GPR158: variants seen among roughly 807,000 people sequenced by gnomAD.
The protein encoded by GPR158 is G protein-coupled receptor 158.
Under a neutral mutation model 78.2 loss-of-function variants are expected in GPR158, and 30 were observed. The ratio of observed to expected loss-of-function variants is 0.38; its 90% CI spans 0.29 to 0.52. The LOEUF is 0.52. Among genes scored for constraint, GPR158 ranks in the 20% least tolerant of loss-of-function variants. GPR158 has a pLI of 0.83. For synonymous variants in GPR158, 581 were observed against 591.1 expected, an observed-to-expected ratio of 0.98 and a Z score of 0.25; for missense variants, 1,463 against 1,523.5, an observed-to-expected ratio of 0.96 and a Z score of 0.66.
intron 1 of GPR158, among the ~76,000 whole-genome samples, chr10:25,211,150 A>C (rs1470782577): frequency 6.6e-6 from 1 of 152,044 alleles, no homozygotes; most frequent in Non-Finnish European, 1.5e-5. Flanking sequence ...GAAAAAAAAA[A>C]AAACAGAATT....
At chr10:25,342,395 C>A (rs560643633) in intron 2 of GPR158, among the ~76,000 whole-genome samples, 1 of 151,992 alleles carries the variant, frequency 6.6e-6, no homozygotes, top group African/African-American at 2.4e-5. Context: ...ATCCTAATAC[C>A]TGTTTTTCTT....
chr10:25,367,789 T>C (rs1486921986), intron 2 of GPR158, among the ~76,000 whole-genome samples: 1 of 151,824 alleles, frequency 6.6e-6, no homozygotes, highest in Admixed American at 6.6e-5. Context: ...CCTTTTAAAC[T>C]CTGGTAATGG....
At position 25,572,724 on chromosome 10, in the gene GPR158, G is replaced by T; in HGVS notation, c.1590G>T (p.Leu530=). 6.2e-7 allele frequency: 1 copy of T among 1,613,978 alleles called. No individual in the cohort carries two copies. Among genetic ancestry groups the T allele is most frequent in the Non-Finnish European group, 8.5e-7 (1 of 1,179,848 alleles). ...YMTGGRVMRM[L]AVILLVVFWF... ...CTGGCGGACGGGTCATGAGGATGCTGGCAGTAATACTCTTGGTAGTGTTTT... is the reference window on the plus strand; with the variant it reads ...CTGGCGGACGGGTCATGAGGATGCTTGCAGTAATACTCTTGGTAGTGTTTT... The change falls in exon 7 of 11, where the codon CTG becomes CTT. Residue 530 remains leucine, a synonymous_variant. Transcript: ENST00000376351.
intron 4 of GPR158, among the ~76,000 whole-genome samples, chr10:25,418,528 C>T (rs1254495275): frequency 6.6e-6 from 1 of 151,952 alleles, no homozygotes. Flanking sequence ...TCTAAAACAA[C>T]AAGAATTTTA....
At chr10:25,379,273 G>A (rs1290801213) in intron 2 of GPR158, among the ~76,000 whole-genome samples, 1 of 148,844 alleles carries the variant, frequency 6.7e-6, no homozygotes, top group Non-Finnish European at 1.5e-5. Context: ...GAGATTGAAT[G>A]TCAGGCATCG....
At chr10:25,278,509 A>C (rs2130750596) in intron 2 of GPR158, among the ~76,000 whole-genome samples, 1 of 152,240 alleles carries the variant, frequency 6.6e-6, no homozygotes, top group South Asian at 2.1e-4. Context: ...TATTTGAAGA[A>C]GTAATGCCTT....
chr10:25,540,751 T>A (rs1208715595), intron 5 of GPR158, among the ~76,000 whole-genome samples: 8 of 150,858 alleles, frequency 5.3e-5, no homozygotes, highest in Admixed American at 1.3e-4. Context: ...ATGAGAACAC[T>A]TGGACACAGG....
intron 3 of GPR158, among the ~76,000 whole-genome samples, chr10:25,397,463 T>G (rs1485378278): frequency 2.6e-5 from 4 of 152,184 alleles, no homozygotes; most frequent in Admixed American, 2.6e-4. Flanking sequence ...CCAGCCCTAT[T>G]ATCTGTGTAG....
At chr10:25,384,869 ACAT>A in intron 2 of GPR158, among the ~76,000 whole-genome samples, 1 of 152,314 alleles carries the variant, frequency 6.6e-6, no homozygotes, top group Admixed American at 6.5e-5. Context: ...GATGAGATAT[ACAT>A]CATGCCGATT....
At chr10:25,587,416 G>A (rs187619828) in intron 7 of GPR158, among the ~76,000 whole-genome samples, 14 of 152,280 alleles carry the variant, frequency 9.2e-5, no homozygotes, top group Non-Finnish European at 1.5e-4. Flanking sequence ...AACTGATAGC[G>A]GCTTAGGCAA....
chr10:25,365,065 A>AT (rs750215664), intron 2 of GPR158, among the ~76,000 whole-genome samples: 1 of 147,354 alleles, frequency 6.8e-6, no homozygotes, highest in Non-Finnish European at 1.5e-5. Context: ...TTAAATATTT[A>AT]TTTAAAATTT....
intron 4 of GPR158, among the ~76,000 whole-genome samples, chr10:25,415,629 A>G (rs908062047): frequency 1.3e-5 from 2 of 152,108 alleles, no homozygotes; most frequent in Non-Finnish European, 2.9e-5. Context: ...GATATGATCC[A>G]GCAATTCCAC....
At chr10:25,595,127 T>A (rs1837383967) in intron 9 of GPR158, among the ~76,000 whole-genome samples, 1 of 152,196 alleles carries the variant, frequency 6.6e-6, no homozygotes, top group Non-Finnish European at 1.5e-5. Flanking sequence ...ATCTTTTCAG[T>A]GCCACAAAAT....
intron 5 of GPR158, among the ~76,000 whole-genome samples, chr10:25,478,493 CGTGTGT>C (rs71399974): frequency 0.022 from 3,154 of 145,162 alleles, 46 homozygotes; most frequent in South Asian, 0.036. Flanking sequence ...ATATATAATG[CGTGTGT>C]GTGTGTGTGT....
chr10:25,558,547 C>T (rs142369552), intron 6 of GPR158, among the ~76,000 whole-genome samples: 1 of 152,258 alleles, frequency 6.6e-6, no homozygotes, highest in East Asian at 1.9e-4. Flanking sequence ...TCCCTGCTGT[C>T]GCCTGGGCCC....
chr10:25,261,946 TG>T (rs1295838244), intron 2 of GPR158, among the ~76,000 whole-genome samples: 1 of 152,244 alleles, frequency 6.6e-6, no homozygotes, highest in East Asian at 1.9e-4. Flanking sequence ...TTTAATGTAG[TG>T]TTCAGAGCAT....
At position 25,599,024 on chromosome 10, in the gene GPR158, A is replaced by G. The variant is rs759626272; in HGVS notation, c.3398A>G (p.Asn1133Ser). 8 of 1,613,990 alleles carry G rather than the reference A, an allele frequency of 5.0e-6. No individual in the cohort carries two copies. The Admixed American group carries it at 1.2e-4, about 24-fold the overall frequency. The change falls in exon 11 of 11, where the codon AAT (asparagine) becomes AGT (serine). Residue 1133 changes from asparagine to serine, a missense_variant. Coordinates refer to ENST00000376351, the MANE Select transcript of GPR158 (RefSeq NM_020752.3). The stretch of plus-strand genomic sequence containing the variant: ...GTAGCATCAAAAACAGAGAATGAAA[A>G]TCTCAACCAAATAGGACACCAGGAA... ...KAVASKTENE[N>S]LNQIGHQEKK...
At chr10:25,441,232 A>G (rs547169061) in intron 4 of GPR158, among the ~76,000 whole-genome samples, 6 of 152,178 alleles carry the variant, frequency 3.9e-5, no homozygotes, top group Non-Finnish European at 7.3e-5. Flanking sequence ...CACAGAAGTC[A>G]TGGTTCTGGT....
chr10:25,351,005 A>G (rs952317728), intron 2 of GPR158, among the ~76,000 whole-genome samples: 1 of 152,016 alleles, frequency 6.6e-6, no homozygotes, highest in Non-Finnish European at 1.5e-5. Context: ...TAAAAATGCA[A>G]CCAAAATGCT....
Sources: allele counts gnomAD v4.1 joint callset (sites outside exome capture counted in the v4.1 genomes callset), GRCh38; gene constraint gnomAD v4.1.1; transcripts MANE v1.5; gene names NCBI Gene and HGNC (gene_info 2026-07-23, HGNC 2026-07-21).